GPBP1L1: variants seen among roughly 807,000 people sequenced by gnomAD.
The protein encoded by GPBP1L1 is vasculin-like protein 1.
Under a neutral mutation model 52.5 loss-of-function variants are expected in GPBP1L1, and 23 were observed. The observed-to-expected ratio is 0.44, with a 90% CI of 0.32 to 0.62. GPBP1L1 has a LOEUF of 0.62. Among genes scored for constraint, GPBP1L1 ranks in the 20% least tolerant of loss-of-function variants. The pLI is 0.06. For synonymous variants in GPBP1L1, 243 were observed against 203.1 expected (o/e 1.20, Z -1.67); for missense variants, 596 against 579.3 (o/e 1.03, Z -0.30).
At chr1:45,652,128 C>T (rs1401036777) in intron 6 of GPBP1L1, among the ~76,000 whole-genome samples, 1 of 152,222 alleles carries the variant, frequency 6.6e-6, no homozygotes, top group Non-Finnish European at 1.5e-5. Context: ...TCCCTGATCT[C>T]TACATGTTAG....
intron 2 of GPBP1L1, among the ~76,000 whole-genome samples, chr1:45,670,325 A>G (rs560187688): frequency 1.3e-5 from 2 of 152,242 alleles, no homozygotes; most frequent in Non-Finnish European, 2.9e-5. Flanking sequence ...TTATTAATGC[A>G]AGAGAATAAA....
At position 45,680,044 on chromosome 1, in the gene GPBP1L1, C is replaced by T. The variant is rs540909319; in HGVS notation, c.-1098+5532G>A. ...GCAGTGAGCTATGAACATGCCACTG[C>T]ACTCCAATCTGAGCAACAGAGCAAG... On this transcript the variant is annotated intron_variant, in intron 2 of 12. Coordinates refer to ENST00000355105, the MANE Select transcript of GPBP1L1 (RefSeq NM_021639.5). 2.5e-3 allele frequency among the ~76,000 whole-genome samples: 374 copies of T among 152,182 alleles called. 1 individual carries two copies. Among genetic ancestry groups the T allele is most frequent in the Non-Finnish European group, 4.1e-3 (281 of 68,014 alleles).
At chr1:45,664,189 A>G (rs1644980811) in intron 2 of GPBP1L1, among the ~76,000 whole-genome samples, 1 of 152,094 alleles carries the variant, frequency 6.6e-6, no homozygotes, top group Admixed American at 6.5e-5. Context: ...GCATGGTGGC[A>G]AGCGCCTGTA....
chr1:45,655,766 T>C (rs578010281), intron 4 of GPBP1L1: 1 of 153,704 alleles, frequency 6.5e-6, no homozygotes, highest in Non-Finnish European at 1.4e-5. Context: ...CAGTAGTAAT[T>C]ACAGAACTTT....
intron 9 of GPBP1L1, 176 bp from the exon 10 acceptor site, chr1:45,633,823 G>A: frequency 1.4e-6 from 1 of 711,140 alleles, no homozygotes; most frequent in South Asian, 2.1e-5. Context: ...ATATAGTTAA[G>A]AGCAGCTGGC....
intron 4 of GPBP1L1, among the ~76,000 whole-genome samples, chr1:45,656,468 A>G (rs7517111): frequency 0.18 from 28,038 of 152,052 alleles, 2,968 homozygotes; most frequent in Non-Finnish European, 0.24. Flanking sequence ...GTTTTCTCTT[A>G]AAAGTTTTAT....
At chr1:45,648,112 A>G (rs1315579468) in intron 6 of GPBP1L1, among the ~76,000 whole-genome samples, 1 of 151,654 alleles carries the variant, frequency 6.6e-6, no homozygotes, top group Non-Finnish European at 1.5e-5. Flanking sequence ...CTAATTTTTA[A>G]ATTTTTTGTA....
rs76643878 is a variant in GPBP1L1, at chr1:45,667,425, A to G, written c.-1097-6200T>C. ...ATCGGGCACCTCATATGTCAGGCGC[A>G]CTATTCGGTACTTCACAACATGACC... is the stretch of plus-strand genomic sequence containing the variant. On this transcript the variant is annotated intron_variant, in intron 2 of 12. Transcript: ENST00000355105. Among the ~76,000 whole-genome samples the G allele has an allele frequency of 3.0e-3, 458 of 152,296 alleles. 4 individuals are homozygous for G. Among genetic ancestry groups the G allele is most frequent in the East Asian group, 0.022 (115 of 5,180 alleles).
chr1:45,654,351 C>T (rs1327315652), intron 6 of GPBP1L1, 192 bp downstream of exon 6: 1 of 474,114 alleles, frequency 2.1e-6, no homozygotes, highest in Non-Finnish European at 3.6e-6. Context: ...AAATTTGCTA[C>T]AAGTTACATA....
chr1:45,669,937 T>C (rs986764018), intron 2 of GPBP1L1, among the ~76,000 whole-genome samples: 1 of 152,244 alleles, frequency 6.6e-6, no homozygotes, highest in Non-Finnish European at 1.5e-5. Flanking sequence ...CAATCTATCT[T>C]TATCTGTCTC....
rs544701592 is a variant in GPBP1L1 at position 45,681,858 on chromosome 1, C to T, written c.-1098+3718G>A. 2.0e-5 allele frequency among the ~76,000 whole-genome samples: 3 copies of T among 152,306 alleles called. No individual in the cohort carries two copies. The South Asian group carries it at 6.2e-4, about 32-fold the overall frequency. ...TGGCTACAAAGCCAACCACTGATTA[C>T]CATACTATGCCATTTCTCTGTGTGC... On this transcript the variant is annotated intron_variant, in intron 2 of 12. Transcript: ENST00000355105.
intron 6 of GPBP1L1, among the ~76,000 whole-genome samples, chr1:45,644,945 T>C (rs999018064): frequency 6.6e-6 from 1 of 152,218 alleles, no homozygotes; most frequent in Non-Finnish European, 1.5e-5. Flanking sequence ...TACATGCTTG[T>C]TCCTAAGGTG....
chr1:45,640,701 A>G (rs1644660892), intron 7 of GPBP1L1, among the ~76,000 whole-genome samples: 1 of 152,200 alleles, frequency 6.6e-6, no homozygotes, highest in African/African-American at 2.4e-5. Context: ...TCAGTTAAGC[A>G]TGAACCCAAC....
At chr1:45,636,882 A>G (rs1644600669) in intron 8 of GPBP1L1, among the ~76,000 whole-genome samples, 1 of 152,234 alleles carries the variant, frequency 6.6e-6, no homozygotes, top group South Asian at 2.1e-4. Flanking sequence ...AACAGTAGAA[A>G]GAGCCCTGGT....
chr1:45,660,406 A>C lies in GPBP1L1; in HGVS notation c.-278T>G. The C allele has an allele frequency of 1.0e-6, 1 of 982,028 alleles. No homozygotes were observed. Among genetic ancestry groups the C allele is most frequent in the Non-Finnish European group, 1.2e-6 (1 of 826,994 alleles). The allele number at this position is 982,028 out of a possible 1,614,324, so 60.8% of individuals were successfully genotyped here. Reference sequence around the variant, plus strand: ...ACACGTTTCCAAAAGGGGAAAGGGGAAAAGGGGAAGGGGGGAAGGGGAACA... The same window carrying C: ...ACACGTTTCCAAAAGGGGAAAGGGGCAAAGGGGAAGGGGGGAAGGGGAACA... On this transcript the variant is annotated 5_prime_UTR_variant, in exon 3 of 13. Transcript: ENST00000355105.
In GPBP1L1 at chr1:45,633,638, T is replaced by C. The variant is rs1399302258; in HGVS notation, c.895A>G (p.Ser299Gly). ...CTGATCTCAATTGGAGGGGTGGTGCTGGAGGGACTCTGGGCAAATACCACA... is the reference window on the plus strand; with the variant it reads ...CTGATCTCAATTGGAGGGGTGGTGCCGGAGGGACTCTGGGCAAATACCACA... The part of the protein sequence containing the change: ...ALSSPKESPS[S>G]TTPPIEISSS... Residue 299 changes from serine (S) to glycine (G), a missense_variant, in exon 10 of 13, where the codon AGC becomes GGC. Ser to Gly is a moderately conservative substitution (Grantham distance 56). Coordinates refer to ENST00000355105, the MANE Select transcript of GPBP1L1 (RefSeq NM_021639.5). 6.2e-7 allele frequency: 1 copy of C among 1,613,816 alleles called. No homozygotes were observed.
At chr1:45,653,143 G>C (rs1644839184) in intron 6 of GPBP1L1, among the ~76,000 whole-genome samples, 1 of 152,266 alleles carries the variant, frequency 6.6e-6, no homozygotes, top group South Asian at 2.1e-4. Context: ...TCCTAGACTT[G>C]AGGGTAGAGG....
intron 2 of GPBP1L1, among the ~76,000 whole-genome samples, chr1:45,674,534 A>G (rs1442684045): frequency 6.6e-6 from 1 of 152,224 alleles, no homozygotes; most frequent in African/African-American, 2.4e-5. Flanking sequence ...TCAATTTAAG[A>G]TTGTTCAACT....
At chr1:45,686,105 G>A (rs1645278903) in intron 1 of GPBP1L1, among the ~76,000 whole-genome samples, 1 of 152,242 alleles carries the variant, frequency 6.6e-6, no homozygotes, top group African/African-American at 2.4e-5. Context: ...ATCGCCTGGA[G>A]AGGAGCCAAA....
Sources: allele counts gnomAD v4.1 joint callset (sites outside exome capture counted in the v4.1 genomes callset), GRCh38; gene constraint gnomAD v4.1.1; transcripts MANE v1.5; gene names NCBI Gene and HGNC (gene_info 2026-07-23, HGNC 2026-07-21).